Variants in COG7 observed in about 807,000 individuals in gnomAD.
COG7 encodes the protein component of oligomeric golgi complex 7.
A neutral mutation model predicts 91.5 loss-of-function variants in COG7; 49 were observed. The observed-to-expected ratio is 0.54, with a 90% CI of 0.43 to 0.68. The LOEUF is 0.68. COG7 is among the 30% of genes least tolerant of loss of function. The probability of loss-of-function intolerance (pLI) is 0.00; values close to 1 mark genes in which losing one functional copy is unlikely to be tolerated. For synonymous variants in COG7, 365 were observed against 388.7 expected, an observed-to-expected ratio of 0.94 and a Z score of 0.72; for missense variants, 895 against 961.3, an observed-to-expected ratio of 0.93 and a Z score of 0.91.
chr16:23,441,048 AAG>A (rs1246911640), intron 4 of COG7, among the ~76,000 whole-genome samples: 1 of 152,174 alleles, frequency 6.6e-6, no homozygotes, highest in Non-Finnish European at 1.5e-5. Flanking sequence ...AAAGACAGAA[AAG>A]AGAACAAATA....
chr16:23,433,138 C>T (rs1434625301), intron 6 of COG7, among the ~76,000 whole-genome samples: 2 of 152,082 alleles, frequency 1.3e-5, no homozygotes, highest in African/African-American at 4.8e-5. Flanking sequence ...GTCTTGCTTG[C>T]TCTGTTGTCC....
chr16:23,448,136 G>A (rs1026708444), intron 1 of COG7, among the ~76,000 whole-genome samples: 1 of 151,988 alleles, frequency 6.6e-6, no homozygotes, highest in Non-Finnish European at 1.5e-5. Context: ...GCAGACTTGG[G>A]CCCTTGTCTC....
rs1279518119 is a variant in COG7, at chr16:23,393,362, A to G, written c.1888-15T>C. The G allele has an allele frequency of 1.9e-6, 3 of 1,585,594 alleles. No homozygotes were observed. The highest frequency in any genetic ancestry group is 4.5e-5 in the East Asian group (2 of 44,712). ...TACTGCCCGATCTGAAACAAAAGAA[A>G]GCGCTGTTAGCCTGACATTGACACA... On this transcript the variant is annotated splice_polypyrimidine_tract_variant and intron_variant, in intron 14 of 16. Transcript: ENST00000307149.
intron 12 of COG7, 35 bp downstream of exon 12, chr16:23,406,041 T>G: frequency 6.3e-7 from 1 of 1,598,210 alleles, no homozygotes; most frequent in Non-Finnish European, 8.6e-7. Flanking sequence ...AAGAAGCCTT[T>G]CATTTGCAAG....
At position 23,436,978 on chromosome 16, in the gene COG7, G is replaced by T. The variant is rs573069231; in HGVS notation, c.605-2260C>A. ...TGGGCCACAATGGGTGGGGAAGCTG[G>T]TAAAAGTCTGGGCGCTAAGGGTGGT... is the stretch of plus-strand genomic sequence containing the variant. On this transcript the variant is annotated intron_variant, in intron 4 of 16. Coordinates refer to ENST00000307149, the MANE Select transcript of COG7 (RefSeq NM_153603.4). Among the ~76,000 whole-genome samples, 3 of 152,244 alleles carry T rather than the reference G, an allele frequency of 2.0e-5. No individual in the cohort carries two copies. The South Asian group carries it at 6.2e-4, about 32-fold the overall frequency.
chr16:23,397,720 C>T (rs573060056), intron 14 of COG7, among the ~76,000 whole-genome samples: 1 of 152,340 alleles, frequency 6.6e-6, no homozygotes, highest in South Asian at 2.1e-4. Flanking sequence ...TTCTGAAAGT[C>T]ACAGAGAAGA....
chr16:23,392,065 A>G, intron 16 of COG7: 1 of 1,273,930 alleles, frequency 7.8e-7, no homozygotes, highest in Non-Finnish European at 1.0e-6. Flanking sequence ...ACTGGTTGGG[A>G]ATTATGGCAC....
chr16:23,414,101 G>C (rs1963613579), intron 9 of COG7: 1 of 162,976 alleles, frequency 6.1e-6, no homozygotes, highest in Admixed American at 5.8e-5. Context: ...GCATGAAAGT[G>C]GATTCAAAGC....
At chr16:23,434,554 T>C (rs1358224748) in intron 5 of COG7, 82 bp downstream of exon 5, 8 of 1,066,750 alleles carry the variant, frequency 7.5e-6, no homozygotes, top group Non-Finnish European at 1.0e-5. Flanking sequence ...TCTTACCTTC[T>C]GAATTATGAA....
At chr16:23,427,804 G>T (rs1032059128) in intron 6 of COG7, among the ~76,000 whole-genome samples, 1 of 152,054 alleles carries the variant, frequency 6.6e-6, no homozygotes, top group Non-Finnish European at 1.5e-5. Context: ...CTCTACCAAA[G>T]GTTCTTACCT....
chr16:23,410,481 G>A lies in COG7; in HGVS notation c.1410-121C>T, dbSNP rs1963544756. On this transcript the variant is annotated intron_variant, in intron 10 of 16. Transcript: ENST00000307149. ...CTCCTTTGGGTAGTTCTGGTTCTGG[G>A]AAAGCCGTTAAACATCTGCTGGCCT... is the stretch of plus-strand genomic sequence containing the variant. 9.7e-6 allele frequency: 8 copies of A among 824,926 alleles called. No homozygotes were observed. The South Asian group carries it at 1.2e-4, about 12-fold the overall frequency. 51.1% of individuals were successfully genotyped at this position (824,926 alleles called of 1,614,324 possible). A position where few individuals can be genotyped will look rare whatever the true frequency, so the allele number is the denominator to read the frequency against.
At chr16:23,416,898 C>G in intron 9 of COG7, 69 bp downstream of exon 9, 1 of 1,575,280 alleles carries the variant, frequency 6.3e-7, no homozygotes, top group Non-Finnish European at 8.7e-7. Flanking sequence ...ATACAGAACA[C>G]GTGCATTTTT....
chr16:23,444,319 T>A (rs547027077), intron 3 of COG7, among the ~76,000 whole-genome samples: 8 of 152,236 alleles, frequency 5.3e-5, no homozygotes, highest in African/African-American at 1.2e-4. Flanking sequence ...GAGTTCTTCA[T>A]AAGACATCAT....
intron 1 of COG7, among the ~76,000 whole-genome samples, chr16:23,449,375 TTAAATTAAAATAAAA>T (rs1204913859): frequency 1.8e-5 from 2 of 114,000 alleles, no homozygotes; most frequent in African/African-American, 7.6e-5. Flanking sequence ...AAAAATAAAA[TTAAATTAAAATAAAA>T]TAAAATAAAA....
At chr16:23,416,602 G>A (rs1430844804) in intron 9 of COG7, 8 of 323,398 alleles carry the variant, frequency 2.5e-5, no homozygotes, top group Non-Finnish European at 4.8e-5. Flanking sequence ...CAAAGTACTG[G>A]GATTACAGGC....
At chr16:23,405,965 C>A in intron 12 of COG7, 111 bp downstream of exon 12, 1 of 913,844 alleles carries the variant, frequency 1.1e-6, no homozygotes, top group Non-Finnish European at 1.8e-6. Flanking sequence ...TAGCAGGGTA[C>A]GTCACAGCCC....
In COG7 at chr16:23,453,164, T is replaced by G. The variant is rs1964295693; in HGVS notation, c.-170A>C. 7.1e-7 allele frequency: 1 copy of G among 1,404,162 alleles called. No homozygotes were observed. The highest frequency in any genetic ancestry group is 2.5e-5 in the East Asian group (1 of 39,340). The allele number at this position is 1,404,162 out of a possible 1,614,324, so 87.0% of individuals were successfully genotyped here. On this transcript the variant is annotated 5_prime_UTR_variant, in exon 1 of 17. Coordinates refer to ENST00000307149, the MANE Select transcript of COG7 (RefSeq NM_153603.4). ...CTTTGCGCTTCCCCGCTCAGCGCAC[T>G]CAGTTTGCGGCTGGGAATGACCCTC...
At chr16:23,416,612 C>A in intron 9 of COG7, 1 of 335,840 alleles carries the variant, frequency 3.0e-6, no homozygotes, top group Admixed American at 4.5e-5. Context: ...GGATTACAGG[C>A]GTGATTCACC....
At chr16:23,415,206 C>A (rs1463424903) in intron 9 of COG7, 1 of 152,234 alleles carries the variant, frequency 6.6e-6, no homozygotes, top group Admixed American at 6.5e-5. Context: ...GCCTCAAGCA[C>A]AAACTGACAG....
Sources: gnomAD v4.1 joint callset for allele counts (sites outside exome capture counted in the v4.1 genomes callset) on GRCh38, gnomAD v4.1.1 for gene constraint, MANE v1.5 for transcripts, NCBI Gene and HGNC (gene_info 2026-07-23, HGNC 2026-07-21) for gene names.